CPLX2: variants seen among roughly 807,000 people sequenced by gnomAD.
The protein encoded by CPLX2 is complexin 2, also known as complexin-2.
CPLX2 carries 5 observed loss-of-function variants against 16.3 expected under a neutral mutation model. The ratio of observed to expected loss-of-function variants is 0.31; its 90% CI spans 0.16 to 0.64. The LOEUF (loss-of-function observed/expected upper bound fraction) is 0.64, where lower values mean the gene tolerates loss of function less well. Among genes scored for constraint, CPLX2 ranks in the 30% least tolerant of loss-of-function variants. The pLI is 0.79. For missense variants in CPLX2, 144 were observed against 181.4 expected (o/e 0.79, Z 1.18); for synonymous variants, 89 against 73.2 (o/e 1.22, Z -1.10).
intron 2 of CPLX2, among the ~76,000 whole-genome samples, chr5:175,855,949 C>T (rs1759247508): frequency 6.6e-6 from 1 of 152,154 alleles, no homozygotes; most frequent in African/African-American, 2.4e-5. Flanking sequence ...AGCAACCACA[C>T]AGAGACACAG....
chr5:175,869,707 C>T (rs982646975), upstream of CPLX2, among the ~76,000 whole-genome samples: 1 of 152,230 alleles, frequency 6.6e-6, no homozygotes, highest in Admixed American at 6.5e-5. Flanking sequence ...TCAAATCCTT[C>T]AACCTGCCCT....
rs572152208 is a variant in CPLX2 at position 175,842,943 on chromosome 5, C to T, written c.-89+33875C>T. Among the ~76,000 whole-genome samples, 910 of 152,300 alleles carry T rather than the reference C, an allele frequency of 6.0e-3. 9 individuals are homozygous for T. The highest frequency in any genetic ancestry group is 8.4e-3 in the Non-Finnish European group (573 of 68,026). Reference sequence around the variant, plus strand: ...ACCAAGTTTCCCCTCTAGGCCCTGGCGCAACTGTGAGTCTAGAGACCCCTC... The same window carrying T: ...ACCAAGTTTCCCCTCTAGGCCCTGGTGCAACTGTGAGTCTAGAGACCCCTC... On this transcript the variant is annotated intron_variant, in intron 2 of 4. Coordinates refer to the CPLX2 transcript ENST00000359546.
At position 175,882,835 on chromosome 5, in the gene CPLX2, G is replaced by C. The variant is rs1372092988; in HGVS notation, c.*2790G>C. 6.6e-6 allele frequency: 1 copy of C among 152,552 alleles called. No homozygotes were observed. The highest frequency in any genetic ancestry group is 6.5e-5 in the Admixed American group (1 of 15,288). 9.4% of individuals were successfully genotyped at this position (152,552 alleles called of 1,614,324 possible). A position where few individuals can be genotyped will look rare whatever the true frequency, so the allele number is the denominator to read the frequency against. The stretch of plus-strand genomic sequence containing the variant: ...ACTGATGCAGACCTGGCTGTGGAGA[G>C]CAGCTAATGTGTGGCCCAGAGAGCC... On this transcript the variant is annotated 3_prime_UTR_variant, in exon 4 of 4. Transcript: ENST00000393745.
In CPLX2 at chr5:175,879,004, A is replaced by C. The variant is rs1755491518; in HGVS notation, c.128A>C (p.Gln43Pro). 1 of 1,597,370 alleles carries C rather than the reference A, an allele frequency of 6.3e-7. No individual in the cohort carries two copies. Among genetic ancestry groups the C allele is most frequent in the Non-Finnish European group, 8.5e-7 (1 of 1,172,360 alleles). Residue 43 changes from glutamine (Q) to proline (P), a missense_variant, in exon 3 of 4, where the codon CAG (glutamine) becomes CCG (proline). Transcript: ENST00000393745. ...GAGGAGCGGCAGGAGGCGCTGCGGCAGCAGGAGGAGGAGCGTAAGGCCAAG... is the reference window on the plus strand; with the variant it reads ...GAGGAGCGGCAGGAGGCGCTGCGGCCGCAGGAGGAGGAGCGTAAGGCCAAG... The part of the protein sequence containing the change: ...KEEERQEALR[Q>P]QEEERKAKHA...
intron 2 of CPLX2, among the ~76,000 whole-genome samples, chr5:175,851,499 G>T (rs1423456912): frequency 6.6e-6 from 1 of 152,238 alleles, no homozygotes; most frequent in East Asian, 1.9e-4. Flanking sequence ...TCCCCCACAA[G>T]AAGTCACTTC....
At chr5:175,871,213 G>A (rs1038118662), upstream of CPLX2, among the ~76,000 whole-genome samples, 3 of 151,702 alleles carry the variant, frequency 2.0e-5, no homozygotes, top group Admixed American at 2.0e-4. Flanking sequence ...TGTGGGCCTG[G>A]AGCTGTGGCC....
intron 1 of CPLX2, among the ~76,000 whole-genome samples, chr5:175,799,539 C>CATATATATATTTATATATATATATAT (rs1227041477): frequency 1.4e-4 from 10 of 72,260 alleles, no homozygotes; most frequent in South Asian, 5.0e-4. Flanking sequence ...TTGCAAATTT[C>CATATATATATTTATATATATATATAT]ATATATATAT....
At chr5:175,856,924 C>A (rs141544025) in intron 2 of CPLX2, among the ~76,000 whole-genome samples, 1 of 152,124 alleles carries the variant, frequency 6.6e-6, no homozygotes, top group Non-Finnish European at 1.5e-5. Context: ...TCCTTCACTG[C>A]GGACCTTGGT....
chr5:175,829,911 T>C (rs996771824), intron 2 of CPLX2, among the ~76,000 whole-genome samples: 7 of 152,252 alleles, frequency 4.6e-5, no homozygotes, highest in African/African-American at 1.7e-4. Context: ...GACACACTTG[T>C]CAGTGGGCCC....
Position 175,879,077 on chromosome 5 carries a change from A to C in CPLX2, c.201A>C (p.Arg67=). The C allele has an allele frequency of 6.4e-7, 1 of 1,569,988 alleles. No individual in the cohort carries two copies. ...AEREKVRQQI[R]DKYGLKKKEE... is the part of the protein sequence containing the mutation. The stretch of plus-strand genomic sequence containing the variant: ...GGGAGAAGGTCCGGCAGCAGATCCG[A>C]GATAAGGTCAGCTCCGCCCGCCCGC... Residue 67 remains arginine (R), a synonymous_variant, in exon 3 of 4, where the codon CGA becomes CGC. Coordinates refer to ENST00000393745, the MANE Select transcript of CPLX2 (RefSeq NM_001008220.2).
intron 1 of CPLX2, 108 bp downstream of exon 1, chr5:175,871,813 T>C: frequency 6.6e-6 from 1 of 152,580 alleles, no homozygotes. Context: ...GAGCACGGCT[T>C]TCGGGGGGAC....
At chr5:175,834,743 G>A (rs566417195) in intron 2 of CPLX2, among the ~76,000 whole-genome samples, 5 of 152,122 alleles carry the variant, frequency 3.3e-5, no homozygotes, top group Non-Finnish European at 4.4e-5. Flanking sequence ...GCATCATGGC[G>A]GGAGTCTGTA....
chr5:175,861,699 G>T (rs182024668), intron 2 of CPLX2: 1 of 152,338 alleles, frequency 6.6e-6, no homozygotes, highest in Non-Finnish European at 1.5e-5. Context: ...CTGGACCCAG[G>T]TGGGGACAGA....
chr5:175,830,181 G>A lies in CPLX2; in HGVS notation c.-89+21113G>A, dbSNP rs893454233. On this transcript the variant is annotated intron_variant, in intron 2 of 4. Coordinates refer to the CPLX2 transcript ENST00000359546. This position sits in a 1 kb window ranked among gnomAD's most constrained non-coding sequence, Gnocchi z 4.0. Reference sequence around the variant, plus strand: ...AAGGGCAGTGTGGGCAGAGGGACAGGCAGGGAGGGCACTGCCGCCACAGAG... The same window carrying A: ...AAGGGCAGTGTGGGCAGAGGGACAGACAGGGAGGGCACTGCCGCCACAGAG... Among the ~76,000 whole-genome samples, 9 of 152,256 alleles carry A rather than the reference G, an allele frequency of 5.9e-5. No individual in the cohort carries two copies. The highest frequency in any genetic ancestry group is 5.9e-4 in the Admixed American group (9 of 15,294).
At chr5:175,874,677 G>A (rs1388896959) in intron 1 of CPLX2, among the ~76,000 whole-genome samples, 3 of 152,138 alleles carry the variant, frequency 2.0e-5, no homozygotes, top group Admixed American at 6.5e-5. Flanking sequence ...TTATCCATGT[G>A]ACAACATCCA....
intron 2 of CPLX2, among the ~76,000 whole-genome samples, chr5:175,860,565 A>G (rs1759351025): frequency 3.8e-5 from 4 of 104,888 alleles, no homozygotes; most frequent in African/African-American, 7.6e-5. Context: ...AGAAAGAAAA[A>G]GAAGGGAGGG....
chr5:175,873,658 A>C (rs1458996806), intron 1 of CPLX2, among the ~76,000 whole-genome samples: 2 of 152,164 alleles, frequency 1.3e-5, no homozygotes, highest in Non-Finnish European at 2.9e-5. Flanking sequence ...TGTTTGAGAG[A>C]GATCTTCAGA....
At position 175,883,773 on chromosome 5, in the gene CPLX2, G is replaced by C. The variant is rs1315408328; in HGVS notation, c.*3728G>C. On this transcript the variant is annotated 3_prime_UTR_variant, in exon 4 of 4. Coordinates refer to ENST00000393745, the MANE Select transcript of CPLX2 (RefSeq NM_001008220.2). The stretch of plus-strand genomic sequence containing the variant: ...TGCTGGCCCTGGGTGGGAGCGGGGA[G>C]TCCTGGTGAGACCCCGGTGAGATGG... 6.5e-6 allele frequency: 1 copy of C among 152,888 alleles called. No homozygotes were observed. The highest frequency in any genetic ancestry group is 1.9e-4 in the East Asian group (1 of 5,186). 9.5% of individuals were successfully genotyped at this position (152,888 alleles called of 1,614,324 possible). A position where few individuals can be genotyped will look rare whatever the true frequency, so the allele number is the denominator to read the frequency against.
intron 1 of CPLX2, among the ~76,000 whole-genome samples, chr5:175,797,878 C>T (rs1758022193): frequency 6.6e-6 from 1 of 152,176 alleles, no homozygotes; most frequent in Admixed American, 6.5e-5. Context: ...AACAGGGAAG[C>T]CAGTTCCGCG....
Sources: allele counts gnomAD v4.1 joint callset (sites outside exome capture counted in the v4.1 genomes callset), GRCh38; gene constraint gnomAD v4.1.1; non-coding constraint Gnocchi (gnomAD v3.1); transcripts MANE v1.5; gene names NCBI Gene and HGNC (gene_info 2026-07-23, HGNC 2026-07-21).